Variants in PPP1R3F observed in about 807,000 individuals in gnomAD.
The protein encoded by PPP1R3F is protein phosphatase 1, regulatory (inhibitor) subunit 3F.
In PPP1R3F, 29 loss-of-function variants were observed where a neutral mutation model predicts 24.2. The ratio of observed to expected loss-of-function variants is 1.20; its 90% CI spans 0.89 to 1.63. The LOEUF is 1.63. PPP1R3F is among the 40% of genes most tolerant of loss of function. The pLI, the probability that PPP1R3F is intolerant of heterozygous loss-of-function variation, is 0.00. For synonymous variants in PPP1R3F, 363 were observed against 340.1 expected, an observed-to-expected ratio of 1.07 and a Z score of -0.74; for missense variants, 823 against 729.3, an observed-to-expected ratio of 1.13 and a Z score of -1.48.
At chrX:49,271,025 C>A in intron 1 of PPP1R3F, 152 bp downstream of exon 1, 1 of 541,541 alleles carries the variant, frequency 1.8e-6, no homozygotes, top group Non-Finnish European at 2.9e-6. Context: ...AGGTCAAACA[C>A]GTGCTAGGCA....
Position 49,285,872 on chromosome X carries a change from A to G in PPP1R3F, c.1182A>G (p.Glu394=). The change falls in exon 4 of 4, where the codon GAA becomes GAG. Residue 394 remains glutamate (E), a synonymous_variant. Coordinates refer to ENST00000055335, the MANE Select transcript of PPP1R3F (RefSeq NM_033215.5). ...CGATGACTGGCAACCCCGCAGAAGA[A>G]GGTGATGTCCCCAGAAGCAGTCCAC... ...DVPMTGNPAE[E]GDVPRSSPPV... is the part of the protein sequence containing the mutation. 8.6e-7 allele frequency: 1 copy of G among 1,166,339 alleles called. No individual in the cohort carries two copies. Among genetic ancestry groups the G allele is most frequent in the South Asian group, 2.0e-5 (1 of 50,617 alleles).
At chrX:49,284,159 C>T (rs2066265604) in intron 3 of PPP1R3F, among the ~76,000 whole-genome samples, 2 of 111,221 alleles carry the variant, frequency 1.8e-5, no homozygotes, top group South Asian at 7.5e-4. Flanking sequence ...TTTTTTGATG[C>T]TTAAATTGAA....
chrX:49,283,005 GGTGTGTGTGTGT>G (rs58808853), intron 3 of PPP1R3F, among the ~76,000 whole-genome samples: 3 of 92,731 alleles, frequency 3.2e-5, no homozygotes, highest in Non-Finnish European at 6.7e-5. Context: ...CATTTTGGAG[GGTGTGTGTGTGT>G]GTGTGTGTGT....
At chrX:49,280,066 C>T (rs1396796494) in intron 1 of PPP1R3F, among the ~76,000 whole-genome samples, 1 of 111,105 alleles carries the variant, frequency 9.0e-6, no homozygotes, top group African/African-American at 3.3e-5. Flanking sequence ...TCCTGACTCC[C>T]CGGGGCTCTG....
chrX:49,284,369 TCTTTC>T (rs1443809740), intron 3 of PPP1R3F, among the ~76,000 whole-genome samples: 3 of 110,633 alleles, frequency 2.7e-5, no homozygotes, highest in Admixed American at 1.9e-4. Context: ...TTCTTTCTTT[TCTTTC>T]CTTTCCTTTC....
chrX:49,271,599 G>C, intron 1 of PPP1R3F, among the ~76,000 whole-genome samples: 1 of 112,543 alleles, frequency 8.9e-6, no homozygotes, highest in Non-Finnish European at 1.9e-5. Context: ...TGACAGAGCA[G>C]GAAACCAGGA....
rs1345215392 is a variant in PPP1R3F, at chrX:49,270,421, A to T, written c.552A>T (p.Ser184=). 7 of 1,185,841 alleles carry T rather than the reference A, an allele frequency of 5.9e-6. No homozygotes were observed. The Admixed American group carries it at 1.1e-4, about 19-fold the overall frequency. The part of the protein sequence containing the change: ...SFEKAVHVRA[S]HDGWASFCDH... Reference sequence around the variant, plus strand: ...AGAAGGCGGTGCACGTGCGGGCCTCACACGACGGCTGGGCTTCCTTTTGCG... The same window carrying T: ...AGAAGGCGGTGCACGTGCGGGCCTCTCACGACGGCTGGGCTTCCTTTTGCG... The change falls in exon 1 of 4, where the codon TCA becomes TCT. Residue 184 remains serine, a synonymous_variant. Coordinates refer to ENST00000055335, the MANE Select transcript of PPP1R3F (RefSeq NM_033215.5).
intron 1 of PPP1R3F, among the ~76,000 whole-genome samples, chrX:49,276,370 G>T (rs1399179837): frequency 8.9e-6 from 1 of 112,519 alleles, no homozygotes; most frequent in African/African-American, 3.2e-5. Flanking sequence ...TAGAGATGAG[G>T]TAACTGAGGC....
intron 3 of PPP1R3F, among the ~76,000 whole-genome samples, chrX:49,299,153 T>A (rs1295453737): frequency 1.8e-5 from 2 of 112,007 alleles, no homozygotes; most frequent in African/African-American, 6.5e-5. Context: ...TTATCTCCCT[T>A]TGGTCTTTGA....
Position 49,286,898 on chromosome X carries a change from T to C in PPP1R3F, c.2208T>C (p.Leu736=), listed in dbSNP as rs2066289860. 3 of 1,194,171 alleles carry C rather than the reference T, an allele frequency of 2.5e-6. No individual in the cohort carries two copies. Among genetic ancestry groups the C allele is most frequent in the South Asian group, 3.7e-5 (2 of 53,866 alleles). Residue 736 remains leucine, a synonymous_variant, in exon 4 of 4, where the codon CTT becomes CTC. Coordinates refer to ENST00000055335, the MANE Select transcript of PPP1R3F (RefSeq NM_033215.5). The stretch of plus-strand genomic sequence containing the variant: ...ATGAAAAGGATGCAGGCCCAAGCCT[T>C]GAACCCCCAAAGAAGTCTCCCACCC... ...SQDEKDAGPS[L]EPPKKSPTLA...
Position 49,271,938 on chromosome X carries a change from C to A in PPP1R3F, c.1004+1065C>A, listed in dbSNP as rs1434130777. 8.9e-5 allele frequency among the ~76,000 whole-genome samples: 10 copies of A among 112,478 alleles called. 1 individual carries two copies. Among genetic ancestry groups the A allele is most frequent in the Admixed American group, 7.5e-4 (8 of 10,696 alleles). On this transcript the variant is annotated intron_variant, in intron 1 of 3. Coordinates refer to ENST00000055335, the MANE Select transcript of PPP1R3F (RefSeq NM_033215.5). Reference sequence around the variant, plus strand: ...GGTTTCCTCTATCAAGCTATGAGTTCTTTAAGGGCAGCAGCTAGTCCTGAT... The same window carrying A: ...GGTTTCCTCTATCAAGCTATGAGTTATTTAAGGGCAGCAGCTAGTCCTGAT...
intron 1 of PPP1R3F, among the ~76,000 whole-genome samples, chrX:49,277,937 G>T (rs1557120207): frequency 8.9e-6 from 1 of 112,366 alleles, no homozygotes; most frequent in Non-Finnish European, 1.9e-5. Flanking sequence ...ATACATGCTT[G>T]TGCTTTCTGC....
chrX:49,300,794 G>T (rs1214866169), intron 3 of PPP1R3F, among the ~76,000 whole-genome samples: 10 of 111,635 alleles, frequency 9.0e-5, no homozygotes, highest in Admixed American at 7.6e-4. Context: ...TAATCAAAAG[G>T]TGATAGATTG....
Position 49,286,017 on chromosome X carries a change from G to A in PPP1R3F, c.1327G>A (p.Ala443Thr). 8.5e-7 allele frequency: 1 copy of A among 1,176,386 alleles called. No individual in the cohort carries two copies. Among genetic ancestry groups the A allele is most frequent in the Non-Finnish European group, 1.1e-6 (1 of 875,566 alleles). Residue 443 changes from alanine to threonine, a missense_variant, in exon 4 of 4, where the codon GCC becomes ACC. Transcript: ENST00000055335. ...CTCAGGGCCCGATGCGAGCGAGGGG[G>A]CCACCGGGCCTTTCCTGGAGCCCAG... ...QASGPDASEG[A>T]TGPFLEPSQQ...
chrX:49,281,481 C>T lies in PPP1R3F; in HGVS notation c.1060+20C>T, dbSNP rs376834819. 22 of 1,164,826 alleles carry T rather than the reference C, an allele frequency of 1.9e-5. No homozygotes were observed. The highest frequency in any genetic ancestry group is 1.3e-4 in the South Asian group (7 of 54,445). ...CCATGGGTAAGCAATTGGCAAGCTT[C>T]GGAAGTTTTAGCTTGTATTTACCAT... is the stretch of plus-strand genomic sequence containing the variant. On this transcript the variant is annotated intron_variant, in intron 2 of 3. Coordinates refer to ENST00000055335, the MANE Select transcript of PPP1R3F (RefSeq NM_033215.5).
intron 1 of PPP1R3F, chrX:49,273,329 C>A (rs1269614406): frequency 8.9e-6 from 1 of 111,782 alleles, no homozygotes; most frequent in Non-Finnish European, 1.9e-5. Flanking sequence ...CTTGCAGGGC[C>A]AAGGTGGGTG....
downstream of PPP1R3F, among the ~76,000 whole-genome samples, chrX:49,289,223 A>G (rs953359783): frequency 2.7e-5 from 3 of 112,200 alleles, no homozygotes; most frequent in Admixed American, 1.9e-4. Context: ...CATAAATGAA[A>G]ATTACGAAAC....
rs1394059411 is a variant in PPP1R3F, at chrX:49,270,797, C to G, written c.928C>G (p.Pro310Ala). ...PQQQQLPQLE[P>A]QPECQGPVEA... ...GCAGCAGCAGCTGCCGCAGCTGGAG[C>G]CACAGCCCGAGTGCCAGGGTCCCGT... The change falls in exon 1 of 4, where the codon CCA (proline) becomes GCA (alanine). Residue 310 changes from proline (P) to alanine (A), a missense_variant. By Grantham distance (27) the Pro-to-Ala change is conservative. Transcript: ENST00000055335. 1 of 1,191,742 alleles carries G rather than the reference C, an allele frequency of 8.4e-7. No individual in the cohort carries two copies. Among genetic ancestry groups the G allele is most frequent in the Non-Finnish European group, 1.1e-6 (1 of 885,751 alleles).
In PPP1R3F at chrX:49,270,637, G is replaced by A; in HGVS notation, c.768G>A (p.Gly256=). The A allele has an allele frequency of 8.3e-7, 1 of 1,207,519 alleles. No homozygotes were observed. Among genetic ancestry groups the A allele is most frequent in the East Asian group, 3.0e-5 (1 of 33,764 alleles). The change falls in exon 1 of 4, where the codon GGG becomes GGA. Residue 256 remains glycine (G), a synonymous_variant. Coordinates refer to ENST00000055335, the MANE Select transcript of PPP1R3F (RefSeq NM_033215.5). The stretch of plus-strand genomic sequence containing the variant: ...CCTTTGCTGAGGGCGCGGGCGATGG[G>A]GCGCGCCTCGACTTCGTGGTGCGCT... ...QLPFAEGAGD[G]ARLDFVVRYE... is the part of the protein sequence containing the mutation.
Sources: gnomAD v4.1 joint callset for allele counts (sites outside exome capture counted in the v4.1 genomes callset) on GRCh38, gnomAD v4.1.1 for gene constraint, MANE v1.5 for transcripts, NCBI Gene and HGNC (gene_info 2026-07-23, HGNC 2026-07-21) for gene names.